The following STS variants were observed in gnomAD, a reference collection of about 807,000 sequenced individuals.
STS encodes the protein steryl-sulfatase.
Under a neutral mutation model 26.8 loss-of-function variants are expected in STS, and 7 were observed. The observed-to-expected ratio is 0.26, with a 90% CI of 0.15 to 0.49. The LOEUF (loss-of-function observed/expected upper bound fraction) is 0.49, where lower values mean the gene tolerates loss of function less well. STS is among the 20% of genes least tolerant of loss of function. The pLI, the probability that STS is intolerant of heterozygous loss-of-function variation, is 0.98. For synonymous variants in STS, 199 were observed against 189.4 expected (o/e 1.05, Z -0.42); for missense variants, 434 against 465.6 (o/e 0.93, Z 0.63).
At chrX:7,287,233 T>C (rs1417254872) in intron 7 of STS, among the ~76,000 whole-genome samples, 1 of 110,839 alleles carries the variant, frequency 9.0e-6, no homozygotes, top group Non-Finnish European at 1.9e-5. Flanking sequence ...CATACCACTT[T>C]GCAACAGAAA....
At chrX:7,170,551 C>T (rs1335388553) in intron 1 of STS, among the ~76,000 whole-genome samples, 1 of 110,965 alleles carries the variant, frequency 9.0e-6, no homozygotes, top group African/African-American at 3.3e-5. Context: ...AGTCCTCCCA[C>T]CTTAGCCTCC....
chrX:7,189,149 C>T (rs368796582), intron 1 of STS, among the ~76,000 whole-genome samples: 11 of 111,315 alleles, frequency 9.9e-5, no homozygotes, highest in African/African-American at 3.3e-4. Context: ...GTGATATTCT[C>T]TTGTGAATAT....
Position 7,350,129 on chromosome X carries a change from C to A in STS, c.1605C>A (p.Thr535=). ...AAGCTGCGGACAGACACACCCAGACCCTGCCAGAGGTGCCCGATCAGTTTT... is the reference window on the plus strand; with the variant it reads ...AAGCTGCGGACAGACACACCCAGACACTGCCAGAGGTGCCCGATCAGTTTT... ...MQEAADRHTQ[T]LPEVPDQFSW... The change falls in exon 11 of 11, where the codon ACC becomes ACA. Residue 535 remains threonine, a synonymous_variant. Coordinates refer to ENST00000674429, the MANE Select transcript of STS (RefSeq NM_001320752.2). 8.3e-7 allele frequency: 1 copy of A among 1,212,111 alleles called. No homozygotes were observed. The highest frequency in any genetic ancestry group is 1.1e-6 in the Non-Finnish European group (1 of 895,508).
Position 7,188,150 on chromosome X carries a change from G to A in STS, c.-133-2730G>A, listed in dbSNP as rs1407119941. Among the ~76,000 whole-genome samples the A allele has an allele frequency of 2.7e-5, 3 of 111,778 alleles. 1 individual carries two copies. Among genetic ancestry groups the A allele is most frequent in the Non-Finnish European group, 5.6e-5 (3 of 53,191 alleles). The stretch of plus-strand genomic sequence containing the variant: ...AACAGAGGAATCACCATAGTTACTA[G>A]GTGCGATTGTTTGAGTCAGCTGGGT... On this transcript the variant is annotated intron_variant, in intron 1 of 10. Coordinates refer to ENST00000674429, the MANE Select transcript of STS (RefSeq NM_001320752.2).
chrX:7,237,031 A>G (rs1922346275), intron 2 of STS, among the ~76,000 whole-genome samples: 1 of 111,075 alleles, frequency 9.0e-6, no homozygotes, highest in Non-Finnish European at 1.9e-5. Flanking sequence ...CAGAGAGAGA[A>G]AAGATCTGGT....
chrX:7,147,918 G>T lies in STS; in HGVS notation c.-299G>T. 2.2e-6 allele frequency: 1 copy of T among 451,286 alleles called. No individual in the cohort carries two copies. The highest frequency in any genetic ancestry group is 3.6e-6 in the Non-Finnish European group (1 of 274,311). The allele number at this position is 451,286 out of a possible 1,213,427, so 37.2% of individuals were successfully genotyped here. A position where few individuals can be genotyped will look rare whatever the true frequency, so the allele number is the denominator to read the frequency against. Reference sequence around the variant, plus strand: ...GACTTCGGGGCCAGCCGGGGGCAGAGCGCGCGGGAGCCCGAGCGTCCCTGC... The same window carrying T: ...GACTTCGGGGCCAGCCGGGGGCAGATCGCGCGGGAGCCCGAGCGTCCCTGC... On this transcript the variant is annotated 5_prime_UTR_variant, in exon 1 of 11. Transcript: ENST00000674429.
At chrX:7,167,894 A>G (rs1339989000) in intron 1 of STS, among the ~76,000 whole-genome samples, 3 of 108,648 alleles carry the variant, frequency 2.8e-5, no homozygotes, top group Admixed American at 9.9e-5. Flanking sequence ...GGGTCTTGCT[A>G]TGTTGTCCAG....
chrX:7,255,092 C>T (rs1406474811), intron 3 of STS, among the ~76,000 whole-genome samples: 4 of 112,280 alleles, frequency 3.6e-5, no homozygotes, highest in African/African-American at 1.3e-4. Flanking sequence ...AAATCTTTCC[C>T]ACAAGACATA....
intron 2 of STS, among the ~76,000 whole-genome samples, chrX:7,205,299 A>G (rs1460790996): frequency 3.6e-5 from 4 of 112,115 alleles, no homozygotes; most frequent in Non-Finnish European, 7.5e-5. Flanking sequence ...TATTGCAATT[A>G]TTATTCATCA....
chrX:7,347,015 G>A, intron 10 of STS, among the ~76,000 whole-genome samples: 1 of 112,281 alleles, frequency 8.9e-6, no homozygotes, highest in Non-Finnish European at 1.9e-5. Flanking sequence ...ACTATAGTGA[G>A]CTATGATCAT....
At chrX:7,347,786 G>A (rs1353388230) in intron 10 of STS, among the ~76,000 whole-genome samples, 2 of 111,632 alleles carry the variant, frequency 1.8e-5, no homozygotes, top group Non-Finnish European at 3.8e-5. Context: ...TTTCTCTCTC[G>A]GCTGACCCTG....
intron 7 of STS, among the ~76,000 whole-genome samples, chrX:7,295,725 A>G (rs1925632645): frequency 9.0e-6 from 1 of 111,156 alleles, no homozygotes; most frequent in Non-Finnish European, 1.9e-5. Context: ...CCCCACATAA[A>G]GCAAACAGAT....
At position 7,150,488 on chromosome X, in the gene STS, T is replaced by C. The variant is rs766505944; in HGVS notation, c.-134+2405T>C. On this transcript the variant is annotated intron_variant, in intron 1 of 10. Transcript: ENST00000674429. ...TGCCCACCTCGGCTTCCCAAAGTGC[T>C]GGAATTACAGACGTGAGCCACCGCC... Among the ~76,000 whole-genome samples the C allele has an allele frequency of 9.9e-5, 11 of 111,386 alleles. No homozygotes were observed. The East Asian group carries it at 2.8e-3, about 29-fold the overall frequency.
At chrX:7,198,662 C>T (rs1365234111) in intron 2 of STS, among the ~76,000 whole-genome samples, 2 of 112,272 alleles carry the variant, frequency 1.8e-5, no homozygotes, top group African/African-American at 6.5e-5. Flanking sequence ...CAGGAATGAA[C>T]GAGGGCAGTC....
intron 8 of STS, among the ~76,000 whole-genome samples, chrX:7,320,523 CT>C (rs1468610413): frequency 9.0e-6 from 1 of 111,281 alleles, no homozygotes; most frequent in Non-Finnish European, 1.9e-5. Flanking sequence ...GAAATCAGCC[CT>C]TTTTTGTTGT....
At chrX:7,249,692 G>A (rs888024171) in intron 2 of STS, among the ~76,000 whole-genome samples, 2 of 111,679 alleles carry the variant, frequency 1.8e-5, no homozygotes, top group African/African-American at 6.5e-5. Flanking sequence ...AGGGAGTCCT[G>A]GGTGCTAGTC....
chrX:7,201,308 T>A (rs946178149), intron 2 of STS, among the ~76,000 whole-genome samples: 5 of 112,040 alleles, frequency 4.5e-5, no homozygotes, highest in Middle Eastern at 4.2e-3. Context: ...GTTTTCATGT[T>A]GAGAATGTTC....
chrX:7,315,627 T>C (rs1001509444), intron 8 of STS, among the ~76,000 whole-genome samples: 5 of 111,544 alleles, frequency 4.5e-5, no homozygotes, highest in African/African-American at 1.6e-4. Flanking sequence ...CTTTGGTCTG[T>C]GGTCGAAGGT....
At chrX:7,195,454 A>G (rs771387260) in intron 2 of STS, among the ~76,000 whole-genome samples, 120 of 112,279 alleles carry the variant, frequency 1.1e-3, no homozygotes, top group African/African-American at 3.8e-3. Flanking sequence ...GAATTAGTGC[A>G]AGAGCGACAA....
Sources: gnomAD v4.1 joint callset for allele counts (sites outside exome capture counted in the v4.1 genomes callset) on GRCh38, gnomAD v4.1.1 for gene constraint, MANE v1.5 for transcripts, NCBI Gene and HGNC (gene_info 2026-07-23, HGNC 2026-07-21) for gene names.